Variants in GRTP1 observed in about 807,000 individuals in gnomAD.
GRTP1 encodes the protein growth hormone regulated TBC protein 1, also known as growth hormone-regulated TBC protein 1.
GRTP1 carries 56 observed loss-of-function variants against 38.1 expected under a neutral mutation model. The ratio of observed to expected loss-of-function variants is 1.47; its 90% CI spans 1.19 to 1.84. GRTP1 has a LOEUF of 1.84. GRTP1 is among the 40% of genes most tolerant of loss of function. The pLI, the probability that GRTP1 is intolerant of heterozygous loss-of-function variation, is 0.00. For synonymous variants in GRTP1, 217 were observed against 189.5 expected, an observed-to-expected ratio of 1.14 and a Z score of -1.19; for missense variants, 506 against 453.9, an observed-to-expected ratio of 1.11 and a Z score of -1.04.
intron 4 of GRTP1, among the ~76,000 whole-genome samples, chr13:113,345,179 GAA>G (rs1175333604): frequency 1.3e-5 from 2 of 152,144 alleles, no homozygotes; most frequent in Non-Finnish European, 2.9e-5. Flanking sequence ...AAAGCAAAAG[GAA>G]ACAGTTTAAA....
At chr13:113,337,435 C>A (rs181923447) in intron 5 of GRTP1, among the ~76,000 whole-genome samples, 1 of 152,196 alleles carries the variant, frequency 6.6e-6, no homozygotes, top group East Asian at 1.9e-4. Context: ...TAGCATACAA[C>A]TCAATTAAAC....
intron 5 of GRTP1, among the ~76,000 whole-genome samples, chr13:113,328,250 G>A (rs544770682): frequency 5.9e-5 from 9 of 152,296 alleles, no homozygotes; most frequent in Admixed American, 3.9e-4. Flanking sequence ...CCGAGGCTCC[G>A]GGACGGCACC....
At chr13:113,353,199 A>G (rs2043317475) in intron 3 of GRTP1, among the ~76,000 whole-genome samples, 1 of 150,646 alleles carries the variant, frequency 6.6e-6, no homozygotes, top group Non-Finnish European at 1.5e-5. Context: ...GCAGGGGCCC[A>G]GCCCCACACT....
Position 113,324,182 on chromosome 13 carries a change from G to T in GRTP1, c.*306C>A. On this transcript the variant is annotated 3_prime_UTR_variant, in exon 8 of 8. Coordinates refer to ENST00000375431, the MANE Select transcript of GRTP1 (RefSeq NM_024719.4). ...ACTATGTTAATTTCCAGTCAGCTGAGAAACTGATCACAAACACAGGTGTTG... is the reference window on the plus strand; with the variant it reads ...ACTATGTTAATTTCCAGTCAGCTGATAAACTGATCACAAACACAGGTGTTG... The T allele has an allele frequency of 2.9e-6, 1 of 342,708 alleles. No homozygotes were observed. The highest frequency in any genetic ancestry group is 5.2e-6 in the Non-Finnish European group (1 of 192,656). 21.2% of individuals were successfully genotyped at this position (342,708 alleles called of 1,614,324 possible). A position where few individuals can be genotyped will look rare whatever the true frequency, so the allele number is the denominator to read the frequency against.
intron 2 of GRTP1, 140 bp from the exon 3 acceptor site, chr13:113,355,621 C>A: frequency 9.9e-7 from 1 of 1,007,058 alleles, no homozygotes; most frequent in Non-Finnish European, 1.4e-6. Context: ...TCCATCTCCA[C>A]CAAAACTGGT....
Position 113,324,527 on chromosome 13 carries a change from G to A in GRTP1, c.972C>T (p.Leu324=), listed in dbSNP as rs1476952775. Residue 324 remains leucine, a synonymous_variant, in exon 8 of 8, where the codon CTC becomes CTT. Transcript: ENST00000375431. ...GSLSMATVAK[L]RESCRARLLA... ...GCAGCCGGGCCCTGCAGCTCTCGCG[G>A]AGCTTGGCGACGGTGGCCATGGATA... The A allele has an allele frequency of 1.1e-5, 18 of 1,612,062 alleles. No homozygotes were observed. The highest frequency in any genetic ancestry group is 1.5e-5 in the Non-Finnish European group (18 of 1,179,248).
Position 113,348,655 on chromosome 13 carries a change from C to T in GRTP1, c.465+2194G>A, listed in dbSNP as rs926206405. On this transcript the variant is annotated intron_variant, in intron 4 of 7. Coordinates refer to ENST00000375431, the MANE Select transcript of GRTP1 (RefSeq NM_024719.4). This position sits in a 1 kb window ranked among gnomAD's most constrained non-coding sequence, Gnocchi z 4.8. ...CTTGTCTTACGTGGAGCTTTAGACA[C>T]AGGCATGCACAGGAGAACGCACATG... is the stretch of plus-strand genomic sequence containing the variant. Among the ~76,000 whole-genome samples, 1 of 152,114 alleles carries T rather than the reference C, an allele frequency of 6.6e-6. No individual in the cohort carries two copies. The highest frequency in any genetic ancestry group is 2.1e-4 in the South Asian group (1 of 4,832).
At position 113,344,868 on chromosome 13, in the gene GRTP1, A is replaced by G. The variant is rs1172092105; in HGVS notation, c.557T>C (p.Leu186Pro). ...CGCAGGAATTTTCAACATACCTGGT[A>G]GTATTCTTCCAACAAGAGCATCTAA... is the stretch of plus-strand genomic sequence containing the variant. ...WLLDALVGRI[L>P]PDYYSPAMLG... The change falls in exon 5 of 8, where the codon CTA (leucine) becomes CCA (proline). Residue 186 changes from leucine (L) to proline (P), a missense_variant. Transcript: ENST00000375431. The G allele has an allele frequency of 1.2e-6, 2 of 1,606,956 alleles. No homozygotes were observed. The highest frequency in any genetic ancestry group is 1.7e-5 in the Admixed American group (1 of 58,292).
At chr13:113,352,335 T>TA (rs1200712648) in intron 3 of GRTP1, among the ~76,000 whole-genome samples, 75 of 76,694 alleles carry the variant, frequency 9.8e-4, no homozygotes, top group African/African-American at 3.6e-3. Context: ...TTTATATATA[T>TA]TTTATATATA....
intron 4 of GRTP1, among the ~76,000 whole-genome samples, chr13:113,346,263 TCCGGGA>T (rs2043128519): frequency 6.2e-4 from 4 of 6,432 alleles, no homozygotes; most frequent in Admixed American, 2.0e-3. Context: ...CGAGAGCAGA[TCCGGGA>T]GGACCTCTGT....
In GRTP1 at chr13:113,325,971, A is replaced by G. The variant is rs1275036005; in HGVS notation, c.683T>C (p.Leu228Pro). 2 of 1,613,766 alleles carry G rather than the reference A, an allele frequency of 1.2e-6. No individual in the cohort carries two copies. The highest frequency in any genetic ancestry group is 2.2e-5 in the East Asian group (1 of 44,856). Residue 228 changes from leucine to proline, a missense_variant, in exon 6 of 8, where the codon CTG (leucine) becomes CCG (proline). Physicochemically the swap from Leu to Pro is moderately conservative, Grantham distance 98. Transcript: ENST00000375431. ...LMERLGVLWT[L>P]LVSRWFICLF... ...GCAGATGAACCAGCGGGACACCAGC[A>G]GCGTCCACAGCACACCGAGACGCTC... is the stretch of plus-strand genomic sequence containing the variant.
intron 3 of GRTP1, among the ~76,000 whole-genome samples, chr13:113,352,300 AT>A (rs148920945): frequency 9.0e-4 from 37 of 40,970 alleles, no homozygotes; most frequent in African/African-American, 3.0e-3. Context: ...ATTTATATAT[AT>A]TTTATATATA....
intron 4 of GRTP1, among the ~76,000 whole-genome samples, chr13:113,347,648 C>CCG (rs1262450890): frequency 5.5e-5 from 3 of 54,888 alleles, no homozygotes; most frequent in African/African-American, 8.2e-5. Context: ...ACCTCTGTGG[C>CCG]TGAGCAGATC....
chr13:113,363,955 T>G (rs2139557958), intron 1 of GRTP1, 45 bp from the exon 2 acceptor site: 2 of 1,580,278 alleles, frequency 1.3e-6, no homozygotes, highest in Non-Finnish European at 1.7e-6. Flanking sequence ...AAGTTTCCTC[T>G]GGGGGGTCGC....
chr13:113,355,130 T>C (rs1315583719), intron 3 of GRTP1, 193 bp downstream of exon 3: 1 of 580,608 alleles, frequency 1.7e-6, no homozygotes, highest in Non-Finnish European at 3.0e-6. Context: ...GAATATCTGC[T>C]GAGTGAATTA....
At chr13:113,331,037 T>TGTGCATGGGAGCCCAGGTGC (rs2042862504) in intron 5 of GRTP1, among the ~76,000 whole-genome samples, 1 of 148,624 alleles carries the variant, frequency 6.7e-6, no homozygotes, top group Non-Finnish European at 1.5e-5. Context: ...AGCACAGGTG[T>TGTGCATGGGAGCCCAGGTGC]GTGCATGGGA....
In GRTP1 at chr13:113,355,614, A is replaced by G. The variant is rs906894098; in HGVS notation, c.182-133T>C. On this transcript the variant is annotated intron_variant, in intron 2 of 7. Coordinates refer to ENST00000375431, the MANE Select transcript of GRTP1 (RefSeq NM_024719.4). ...ATTAAAGAGACCCAGAACTTCGTCC[A>G]TCTCCACCAAAACTGGTACATATAC... The G allele has an allele frequency of 1.1e-5, 12 of 1,096,130 alleles. No homozygotes were observed. The Admixed American group carries it at 1.5e-4, about 14-fold the overall frequency. The allele number at this position is 1,096,130 out of a possible 1,614,324, so 67.9% of individuals were successfully genotyped here.
chr13:113,349,397 C>G lies in GRTP1; in HGVS notation c.465+1452G>C, dbSNP rs973886849. 5.9e-5 allele frequency among the ~76,000 whole-genome samples: 9 copies of G among 152,180 alleles called. No homozygotes were observed. The highest frequency in any genetic ancestry group is 2.2e-4 in the African/African-American group (9 of 41,444). On this transcript the variant is annotated intron_variant, in intron 4 of 7. Transcript: ENST00000375431. The surrounding 1 kb of genome is among the most constrained non-coding windows in gnomAD (Gnocchi z 5.0). ...GTAGAGATGGAGTCTTGCCACCTTG[C>G]CCAGGCTGGTGTATGCATTTTAATA...
rs1273850205 is a variant in GRTP1 at position 113,347,666 on chromosome 13, A to T, written c.466-2707T>A. On this transcript the variant is annotated intron_variant, in intron 4 of 7. Transcript: ENST00000375431. ...TCTGTGGCTGAGCAGATCTGGGAGGACCTCTGTGGCAGAGAGCAGACCCGG... is the reference window on the plus strand; with the variant it reads ...TCTGTGGCTGAGCAGATCTGGGAGGTCCTCTGTGGCAGAGAGCAGACCCGG... 1.0e-4 allele frequency among the ~76,000 whole-genome samples: 5 copies of T among 49,750 alleles called. 2 individuals are homozygous for T. The highest frequency in any genetic ancestry group is 1.9e-4 in the Non-Finnish European group (5 of 26,484). The allele number at this position is 49,750 out of a possible 152,430, so 32.6% of individuals were successfully genotyped here.
Sources: gnomAD v4.1 joint callset for allele counts (sites outside exome capture counted in the v4.1 genomes callset) on GRCh38, gnomAD v4.1.1 for gene constraint, Gnocchi (gnomAD v3.1) non-coding constraint, MANE v1.5 for transcripts, NCBI Gene and HGNC (gene_info 2026-07-23, HGNC 2026-07-21) for gene names.